CACNG3: variants seen among roughly 807,000 people sequenced by gnomAD.
The protein encoded by CACNG3 is calcium voltage-gated channel auxiliary subunit gamma 3.
In CACNG3, 3 loss-of-function variants were observed where a neutral mutation model predicts 28.5. The observed-to-expected ratio is 0.11, with a 90% CI of 0.05 to 0.27. The LOEUF (loss-of-function observed/expected upper bound fraction) is 0.27, where lower values mean the gene tolerates loss of function less well. Among genes scored for constraint, CACNG3 ranks in the 10% least tolerant of loss-of-function variants. The pLI is 1.00. For synonymous variants in CACNG3, 174 were observed against 162.2 expected (o/e 1.07, Z -0.55); for missense variants, 236 against 414.4 (o/e 0.57, Z 3.74).
intron 1 of CACNG3, among the ~76,000 whole-genome samples, chr16:24,270,821 G>T (rs569338107): frequency 6.6e-6 from 1 of 152,338 alleles, no homozygotes; most frequent in Admixed American, 6.5e-5. Context: ...TGTGGTCAAG[G>T]TAGGCTTCTC....
intron 1 of CACNG3, among the ~76,000 whole-genome samples, chr16:24,311,521 A>T (rs974751870): frequency 2.1e-4 from 30 of 143,180 alleles, no homozygotes; most frequent in Non-Finnish European, 4.0e-4. Context: ...AAAAAAAAAA[A>T]GTGCTAAGTA....
intron 1 of CACNG3, among the ~76,000 whole-genome samples, chr16:24,303,096 A>C (rs1899136225): frequency 6.6e-6 from 1 of 151,994 alleles, no homozygotes; most frequent in South Asian, 2.1e-4. Flanking sequence ...ACATGGCCTA[A>C]TATTTTTTAA....
At chr16:24,259,318 C>T (rs1437307522) in intron 1 of CACNG3, among the ~76,000 whole-genome samples, 1 of 152,194 alleles carries the variant, frequency 6.6e-6, no homozygotes, top group African/African-American at 2.4e-5. Context: ...GTACTAAACA[C>T]ATCAAGTGTT....
intron 1 of CACNG3, among the ~76,000 whole-genome samples, chr16:24,268,411 G>T (rs555507736): frequency 1.3e-5 from 2 of 152,244 alleles, no homozygotes; most frequent in South Asian, 4.2e-4. Flanking sequence ...TAAGGACCTG[G>T]GCTGGTGGGT....
At chr16:24,315,256 T>A (rs1045733235) in intron 1 of CACNG3, among the ~76,000 whole-genome samples, 5 of 152,150 alleles carry the variant, frequency 3.3e-5, no homozygotes, top group African/African-American at 1.2e-4. Context: ...AGTTTACCCA[T>A]CTCTGCATCT....
At chr16:24,347,810 CT>C (rs1329612927) in intron 2 of CACNG3, among the ~76,000 whole-genome samples, 2 of 152,212 alleles carry the variant, frequency 1.3e-5, no homozygotes, top group African/African-American at 2.4e-5. Context: ...TTGTTTGACT[CT>C]ACTAGCTGGG....
chr16:24,322,765 C>T (rs966091712), intron 1 of CACNG3, among the ~76,000 whole-genome samples: 5 of 152,134 alleles, frequency 3.3e-5, no homozygotes, highest in Admixed American at 6.6e-5. Flanking sequence ...ATATTCATGT[C>T]TTTATCTGTG....
intron 1 of CACNG3, among the ~76,000 whole-genome samples, chr16:24,298,730 G>A (rs777149431): frequency 1.6e-4 from 25 of 152,116 alleles, no homozygotes; most frequent in Non-Finnish European, 2.9e-4. Flanking sequence ...CCCATATTAT[G>A]TTTAGTCATC....
chr16:24,291,210 C>T (rs899925397), intron 1 of CACNG3, among the ~76,000 whole-genome samples: 2 of 152,188 alleles, frequency 1.3e-5, no homozygotes, highest in African/African-American at 2.4e-5. Flanking sequence ...TCAATAGCCA[C>T]GTTGTTGTTG....
At chr16:24,341,755 G>A (rs1212576207) in intron 1 of CACNG3, among the ~76,000 whole-genome samples, 1 of 152,140 alleles carries the variant, frequency 6.6e-6, no homozygotes, top group Non-Finnish European at 1.5e-5. Flanking sequence ...TGGTTCGGGG[G>A]TTGCAAACTC....
At chr16:24,330,973 G>C (rs985959579) in intron 1 of CACNG3, among the ~76,000 whole-genome samples, 2 of 152,140 alleles carry the variant, frequency 1.3e-5, no homozygotes, top group East Asian at 3.8e-4. Context: ...CATTTCAATG[G>C]TTTTTGTAAA....
At chr16:24,316,541 G>A (rs1271422794) in intron 1 of CACNG3, among the ~76,000 whole-genome samples, 1 of 152,218 alleles carries the variant, frequency 6.6e-6, no homozygotes, top group Non-Finnish European at 1.5e-5. Flanking sequence ...AGCATGGCGT[G>A]GGCACCATGT....
At chr16:24,273,836 C>T (rs868038430) in intron 1 of CACNG3, among the ~76,000 whole-genome samples, 1 of 152,174 alleles carries the variant, frequency 6.6e-6, no homozygotes. Context: ...TTCTGATGGA[C>T]TCAAGGAGTT....
intron 1 of CACNG3, among the ~76,000 whole-genome samples, chr16:24,295,444 G>C (rs377222465): frequency 3.6e-4 from 55 of 152,248 alleles, no homozygotes; most frequent in African/African-American, 1.3e-3. Flanking sequence ...ACTCTTCAAG[G>C]TGTTAATAAT....
At chr16:24,345,558 G>A (rs1370710260) in intron 1 of CACNG3, among the ~76,000 whole-genome samples, 2 of 152,164 alleles carry the variant, frequency 1.3e-5, no homozygotes, top group African/African-American at 4.8e-5. Context: ...AAATTAGCCG[G>A]GCATGGTGGC....
At chr16:24,304,869 T>A (rs558269506) in intron 1 of CACNG3, among the ~76,000 whole-genome samples, 1 of 152,332 alleles carries the variant, frequency 6.6e-6, no homozygotes, top group African/African-American at 2.4e-5. Context: ...GCATGATTTC[T>A]TAAGTTTTAA....
At position 24,361,807 on chromosome 16, in the gene CACNG3, G is replaced by C; in HGVS notation, c.892G>C (p.Glu298Gln). The change falls in exon 4 of 4, where the codon GAG (glutamate) becomes CAG (glutamine). Residue 298 changes from glutamate (E) to glutamine (Q), a missense_variant. Coordinates refer to ENST00000005284, the MANE Select transcript of CACNG3 (RefSeq NM_006539.4). The surrounding 1 kb of genome is among the most constrained non-coding windows in gnomAD (Gnocchi z 6.8). ...ACAGTTCCACAATTCCACACCCAAA[G>C]AGTTCAAAGAGTCACTGCATAATAA... is the stretch of plus-strand genomic sequence containing the variant. ...FLQFHNSTPK[E>Q]FKESLHNNPA... 1 of 1,613,720 alleles carries C rather than the reference G, an allele frequency of 6.2e-7. No individual in the cohort carries two copies. The highest frequency in any genetic ancestry group is 8.5e-7 in the Non-Finnish European group (1 of 1,180,004).
At chr16:24,312,540 G>A (rs1899278109) in intron 1 of CACNG3, among the ~76,000 whole-genome samples, 1 of 152,130 alleles carries the variant, frequency 6.6e-6, no homozygotes, top group South Asian at 2.1e-4. Flanking sequence ...TTCTGGCCAG[G>A]CACGGTGGCT....
chr16:24,269,312 C>T (rs556025424), intron 1 of CACNG3, among the ~76,000 whole-genome samples: 3 of 152,334 alleles, frequency 2.0e-5, no homozygotes, highest in Admixed American at 6.5e-5. Context: ...TTAAGCTTTT[C>T]CTAGTGAACT....
Sources: allele counts gnomAD v4.1 joint callset (sites outside exome capture counted in the v4.1 genomes callset), GRCh38; gene constraint gnomAD v4.1.1; non-coding constraint Gnocchi (gnomAD v3.1); transcripts MANE v1.5; gene names NCBI Gene and HGNC (gene_info 2026-07-23, HGNC 2026-07-21).